KLHL29: variants seen among roughly 807,000 people sequenced by gnomAD.
The protein encoded by KLHL29 is kelch-like protein 29.
A neutral mutation model predicts 80.4 loss-of-function variants in KLHL29; 21 were observed. The observed-to-expected ratio is 0.26, with a 90% CI of 0.19 to 0.38. The LOEUF (loss-of-function observed/expected upper bound fraction) is 0.38, where lower values mean the gene tolerates loss of function less well. Ranked by LOEUF, KLHL29 falls within the 10% of genes least tolerant of loss-of-function variation. The pLI, the probability that KLHL29 is intolerant of heterozygous loss-of-function variation, is 1.00. For missense variants in KLHL29, 867 were observed against 1,223.9 expected (o/e 0.71, Z 4.35); for synonymous variants, 511 against 526.8 (o/e 0.97, Z 0.41).
intron 2 of KLHL29, among the ~76,000 whole-genome samples, chr2:23,505,496 C>G (rs1665572630): frequency 6.6e-6 from 1 of 152,232 alleles, no homozygotes; most frequent in Non-Finnish European, 1.5e-5. Flanking sequence ...TTTTTGTCCA[C>G]ATGTGGCTTC....
intron 2 of KLHL29, among the ~76,000 whole-genome samples, chr2:23,561,441 C>G (rs1431735044): frequency 6.6e-6 from 1 of 152,086 alleles, no homozygotes; most frequent in Non-Finnish European, 1.5e-5. Flanking sequence ...CAGGGTACTC[C>G]GGGTCTCTGA....
intron 3 of KLHL29, among the ~76,000 whole-genome samples, chr2:23,612,808 A>G (rs1291670346): frequency 6.6e-6 from 1 of 152,190 alleles, no homozygotes; most frequent in Admixed American, 6.5e-5. Context: ...TTTCAGGCAG[A>G]TGAAATTAAT....
chr2:23,521,999 G>A (rs1157676680), intron 2 of KLHL29, among the ~76,000 whole-genome samples: 2 of 152,148 alleles, frequency 1.3e-5, no homozygotes, highest in African/African-American at 2.4e-5. Context: ...ACTTGCCATG[G>A]TCATTGTTTT....
At chr2:23,465,756 C>T (rs1168381994) in intron 1 of KLHL29, among the ~76,000 whole-genome samples, 1 of 152,190 alleles carries the variant, frequency 6.6e-6, no homozygotes. Flanking sequence ...GTTGATCTTT[C>T]AGGCACCACC....
chr2:23,398,373 A>G (rs1419650665), intron 1 of KLHL29, among the ~76,000 whole-genome samples: 1 of 152,258 alleles, frequency 6.6e-6, no homozygotes, highest in Admixed American at 6.5e-5. Context: ...AAGGACCATT[A>G]CTGGAGGATT....
chr2:23,581,743 G>A (rs150051026), intron 3 of KLHL29, among the ~76,000 whole-genome samples: 36 of 143,660 alleles, frequency 2.5e-4, no homozygotes, highest in African/African-American at 6.7e-4. Context: ...CAGGAGAATC[G>A]CTTGAACCCG....
At chr2:23,453,804 A>ATT (rs142588377) in intron 1 of KLHL29, among the ~76,000 whole-genome samples, 1 of 150,370 alleles carries the variant, frequency 6.7e-6, no homozygotes, top group Non-Finnish European at 1.5e-5. Flanking sequence ...TTTGTTTTGT[A>ATT]TTTTTTTTTT....
In KLHL29 at chr2:23,475,615, G is replaced by A. The variant is rs1664613414; in HGVS notation, c.-98G>A. On this transcript the variant is annotated 5_prime_UTR_variant, in exon 2 of 14. Coordinates refer to ENST00000486442, the MANE Select transcript of KLHL29 (RefSeq NM_052920.2). Reference sequence around the variant, plus strand: ...TTGCTAAGTGTTGGCGGCCATCGTGGTTTTCGCATCCTGGGGACGAATCCT... The same window carrying A: ...TTGCTAAGTGTTGGCGGCCATCGTGATTTTCGCATCCTGGGGACGAATCCT... 1 of 167,020 alleles carries A rather than the reference G, an allele frequency of 6.0e-6. No homozygotes were observed. The highest frequency in any genetic ancestry group is 2.4e-5 in the African/African-American group (1 of 41,414). 10.3% of individuals were successfully genotyped at this position (167,020 alleles called of 1,614,324 possible).
chr2:23,629,494 A>G (rs60599542), intron 3 of KLHL29, among the ~76,000 whole-genome samples: 26,155 of 151,890 alleles, frequency 0.17, 3,137 homozygotes, highest in East Asian at 0.58. Flanking sequence ...TTGTTAGAGG[A>G]AAGTTGAAAG....
intron 3 of KLHL29, among the ~76,000 whole-genome samples, chr2:23,579,627 T>C (rs918864025): frequency 3.9e-5 from 6 of 152,190 alleles, no homozygotes; most frequent in Middle Eastern, 3.4e-3. Flanking sequence ...GCCCATCATA[T>C]CTCACTTGAG....
At chr2:23,395,779 G>C (rs997452249) in intron 1 of KLHL29, among the ~76,000 whole-genome samples, 1 of 151,540 alleles carries the variant, frequency 6.6e-6, no homozygotes, top group East Asian at 1.9e-4. Context: ...AAGAAACTCC[G>C]ATTGCATTCA....
Position 23,701,793 on chromosome 2 carries a change from C to CTTTTTTTTTTT in KLHL29, c.2106-1377_2106-1367dup, listed in dbSNP as rs70941586. On this transcript the variant is annotated intron_variant, in intron 11 of 13. Coordinates refer to ENST00000486442, the MANE Select transcript of KLHL29 (RefSeq NM_052920.2). ...GCTTCGCACACATGGCTTTTTTTTGCTTTTTTTTTTTTTTTTTTTTTTTTT... is the reference window on the plus strand; with the variant it reads ...GCTTCGCACACATGGCTTTTTTTTGCTTTTTTTTTTTTTTTTTTTTTTTTTTTTTTTTTTTT... 3.5e-4 allele frequency among the ~76,000 whole-genome samples: 8 copies of CTTTTTTTTTTT among 22,540 alleles called. 1 individual carries two copies. Among genetic ancestry groups the CTTTTTTTTTTT allele is most frequent in the Non-Finnish European group, 5.9e-4 (6 of 10,140 alleles). 14.8% of individuals were successfully genotyped at this position (22,540 alleles called of 152,430 possible).
In KLHL29 at chr2:23,703,280, G is replaced by A. The variant is rs200550072; in HGVS notation, c.2200G>A (p.Val734Met). Residue 734 changes from valine to methionine, a missense_variant, in exon 12 of 14, where the codon GTG becomes ATG. Val to Met is a conservative substitution (Grantham distance 21). Coordinates refer to ENST00000486442, the MANE Select transcript of KLHL29 (RefSeq NM_052920.2). ...CACAGTGTGTGGCGGCAAGATCTAC[G>A]TGTTTGGTGGGGTGAACGAGGCAGG... ...AATVCGGKIY[V>M]FGGVNEAGRA... is the part of the protein sequence containing the mutation. The A allele has an allele frequency of 2.0e-3, 3,156 of 1,549,276 alleles. 6 individuals are homozygous for A. The highest frequency in any genetic ancestry group is 2.5e-3 in the Non-Finnish European group (2,835 of 1,145,834).
At chr2:23,699,683 T>C (rs896911066) in intron 11 of KLHL29, among the ~76,000 whole-genome samples, 1 of 152,186 alleles carries the variant, frequency 6.6e-6, no homozygotes, top group African/African-American at 2.4e-5. Context: ...CCCAACCGTT[T>C]GCCTTCTCGG....
chr2:23,555,482 C>G (rs575701645), intron 2 of KLHL29, among the ~76,000 whole-genome samples: 34 of 152,344 alleles, frequency 2.2e-4, no homozygotes, highest in African/African-American at 7.9e-4. Context: ...CTGCCTCTCC[C>G]AGGTGCTCTG....
chr2:23,434,795 C>T (rs190053728), intron 1 of KLHL29, among the ~76,000 whole-genome samples: 179 of 152,226 alleles, frequency 1.2e-3, no homozygotes, highest in East Asian at 3.1e-3. Context: ...TGGTTCTCCT[C>T]GGGGCCCGTG....
At chr2:23,572,558 A>G (rs1667740412) in intron 3 of KLHL29, among the ~76,000 whole-genome samples, 1 of 152,218 alleles carries the variant, frequency 6.6e-6, no homozygotes, top group African/African-American at 2.4e-5. Context: ...TGAGGACAGA[A>G]TGAATGGATT....
At chr2:23,402,407 G>T (rs1666617638) in intron 1 of KLHL29, among the ~76,000 whole-genome samples, 2 of 152,230 alleles carry the variant, frequency 1.3e-5, no homozygotes, top group Non-Finnish European at 1.5e-5. Context: ...CCACACACCG[G>T]ATTAGAATCT....
intron 8 of KLHL29, among the ~76,000 whole-genome samples, chr2:23,693,954 A>G (rs533433863): frequency 6.6e-6 from 1 of 152,222 alleles, no homozygotes; most frequent in South Asian, 2.1e-4. Flanking sequence ...CAGAGGATAC[A>G]GAGAGGGCTC....
Sources: allele counts gnomAD v4.1 joint callset (sites outside exome capture counted in the v4.1 genomes callset), GRCh38; gene constraint gnomAD v4.1.1; transcripts MANE v1.5; gene names NCBI Gene and HGNC (gene_info 2026-07-23, HGNC 2026-07-21).